SOX5: variants seen among roughly 807,000 people sequenced by gnomAD.
The protein encoded by SOX5 is transcription factor SOX-5.
SOX5 carries 9 observed loss-of-function variants against 92.0 expected under a neutral mutation model. That is an observed-to-expected ratio of 0.10 (90% CI 0.06 to 0.17). The LOEUF (loss-of-function observed/expected upper bound fraction) is 0.17. Ranked by LOEUF, SOX5 falls within the 10% of genes least tolerant of loss-of-function variation. SOX5 has a pLI of 1.00. For missense variants in SOX5, 642 were observed against 944.5 expected, an observed-to-expected ratio of 0.68 and a Z score of 4.20; for synonymous variants, 344 against 336.3, an observed-to-expected ratio of 1.02 and a Z score of -0.25.
intron 13 of SOX5, among the ~76,000 whole-genome samples, chr12:23,537,098 C>T (rs919090338): frequency 6.6e-6 from 1 of 152,056 alleles, no homozygotes; most frequent in Non-Finnish European, 1.5e-5. Context: ...AAGTTCCCAA[C>T]ATATATCATG....
rs79402719 is a variant in SOX5, at chr12:24,554,017, C to T, written c.-251+8312G>A. On this transcript the variant is annotated intron_variant, in intron 1 of 4. Coordinates refer to the SOX5 transcript ENST00000446891. ...AGACAGAATTATAAGAAATAGTATGCATGTCTTCAAAAGCAGTTCCCAGTG... is the reference window on the plus strand; with the variant it reads ...AGACAGAATTATAAGAAATAGTATGTATGTCTTCAAAAGCAGTTCCCAGTG... Among the ~76,000 whole-genome samples the T allele has an allele frequency of 4.5e-3, 681 of 152,304 alleles. 2 individuals carry two copies. Among genetic ancestry groups the T allele is most frequent in the African/African-American group, 0.015 (643 of 41,556 alleles).
chr12:23,851,629 T>C (rs1246412888), intron 2 of SOX5, among the ~76,000 whole-genome samples: 1 of 152,114 alleles, frequency 6.6e-6, no homozygotes, highest in Non-Finnish European at 1.5e-5. Context: ...CCTTTCCTTT[T>C]GTCTGAAACA....
intron 3 of SOX5, among the ~76,000 whole-genome samples, chr12:24,215,681 A>C (rs1565675152): frequency 6.6e-6 from 1 of 152,172 alleles, no homozygotes; most frequent in Non-Finnish European, 1.5e-5. Flanking sequence ...TTGCCAATTA[A>C]TCTACAGATT....
chr12:24,201,737 GGAGGTGT>G (rs769054630), intron 4 of SOX5, among the ~76,000 whole-genome samples: 6 of 152,092 alleles, frequency 3.9e-5, no homozygotes, highest in Non-Finnish European at 7.4e-5. Context: ...TCAAGCTTTG[GGAGGTGT>G]GAGTCATCAG....
At chr12:24,013,453 G>T (rs1407695316) in intron 4 of SOX5, among the ~76,000 whole-genome samples, 2 of 152,170 alleles carry the variant, frequency 1.3e-5, no homozygotes, top group African/African-American at 2.4e-5. Flanking sequence ...TTTAAAAAGA[G>T]AATTTCTAAA....
intron 3 of SOX5, among the ~76,000 whole-genome samples, chr12:24,233,275 A>G (rs1963787192): frequency 6.6e-6 from 1 of 152,140 alleles, no homozygotes; most frequent in South Asian, 2.1e-4. Flanking sequence ...CAATATAATA[A>G]TATGAATAAC....
intron 4 of SOX5, among the ~76,000 whole-genome samples, chr12:23,968,141 C>A (rs1947805778): frequency 6.6e-6 from 1 of 152,184 alleles, no homozygotes; most frequent in Non-Finnish European, 1.5e-5. Flanking sequence ...CTAGTAGTTT[C>A]TTTGCCCCTT....
intron 4 of SOX5, among the ~76,000 whole-genome samples, chr12:23,753,446 A>C (rs1039301850): frequency 6.6e-6 from 1 of 151,802 alleles, no homozygotes; most frequent in African/African-American, 2.4e-5. Flanking sequence ...GTTTCCATGC[A>C]CACCAAGACT....
intron 1 of SOX5, among the ~76,000 whole-genome samples, chr12:24,504,046 A>T (rs1416031714): frequency 6.6e-6 from 1 of 152,156 alleles, no homozygotes; most frequent in East Asian, 1.9e-4. Context: ...TAAGAAGGGT[A>T]CATAGAGAAA....
intron 6 of SOX5, among the ~76,000 whole-genome samples, chr12:23,688,587 C>G (rs532430555): frequency 4.8e-4 from 73 of 152,206 alleles, no homozygotes; most frequent in African/African-American, 1.7e-3. Context: ...CACTTACATT[C>G]TATACCTCTC....
chr12:24,499,209 A>C (rs919509832), intron 1 of SOX5, among the ~76,000 whole-genome samples: 1 of 152,174 alleles, frequency 6.6e-6, no homozygotes, highest in Non-Finnish European at 1.5e-5. Context: ...GTGAAACCAG[A>C]TGTTCATTTT....
At chr12:24,446,470 C>T (rs1410959927) in intron 1 of SOX5, among the ~76,000 whole-genome samples, 3 of 152,160 alleles carry the variant, frequency 2.0e-5, no homozygotes, top group Non-Finnish European at 2.9e-5. Flanking sequence ...AAAAAATCAG[C>T]ATATGGCTAA....
Position 23,771,960 on chromosome 12 carries a change from A to G in SOX5, c.482-16236T>C, listed in dbSNP as rs568289518. Among the ~76,000 whole-genome samples, 164 of 152,344 alleles carry G rather than the reference A, an allele frequency of 1.1e-3. 2 individuals are homozygous for G. The highest frequency in any genetic ancestry group is 3.6e-3 in the African/African-American group (149 of 41,582). ...ACTAGCACCCAAATTTGAGGTGCTC[A>G]TATAAATTCATAGAAATATGTGCCT... On this transcript the variant is annotated intron_variant, in intron 3 of 14. Coordinates refer to ENST00000451604, the MANE Select transcript of SOX5 (RefSeq NM_006940.6).
chr12:24,492,902 A>G (rs1428263325), intron 1 of SOX5, among the ~76,000 whole-genome samples: 1 of 152,186 alleles, frequency 6.6e-6, no homozygotes, highest in Non-Finnish European at 1.5e-5. Flanking sequence ...AACATATATA[A>G]ATGCCACTAA....
At chr12:24,536,279 A>G (rs1256259110) in intron 1 of SOX5, among the ~76,000 whole-genome samples, 3 of 152,258 alleles carry the variant, frequency 2.0e-5, no homozygotes, top group Non-Finnish European at 4.4e-5. Context: ...CCAGTTAAAC[A>G]AAAGGATCAG....
intron 1 of SOX5, among the ~76,000 whole-genome samples, chr12:24,478,606 C>T (rs994587432): frequency 6.6e-6 from 1 of 152,178 alleles, no homozygotes. Flanking sequence ...TCCTATGCTC[C>T]GTTTCTGTTA....
intron 7 of SOX5, among the ~76,000 whole-genome samples, chr12:23,658,325 T>C (rs906687916): frequency 1.1e-4 from 16 of 152,310 alleles, no homozygotes; most frequent in African/African-American, 3.8e-4. Context: ...GGAAGATGAC[T>C]GTCACCACAT....
chr12:23,750,605 TTTTAGA>T (rs1272708859), intron 4 of SOX5, among the ~76,000 whole-genome samples: 1 of 151,906 alleles, frequency 6.6e-6, no homozygotes, highest in African/African-American at 2.4e-5. Context: ...ATTATTTTAA[TTTTAGA>T]ATCTTTATGC....
intron 9 of SOX5, among the ~76,000 whole-genome samples, chr12:23,580,903 C>A (rs1169933808): frequency 1.3e-5 from 2 of 152,004 alleles, no homozygotes; most frequent in Non-Finnish European, 2.9e-5. Flanking sequence ...CTTAGACGCA[C>A]TGAGGGAATA....
Sources: gnomAD v4.1 joint callset for allele counts (sites outside exome capture counted in the v4.1 genomes callset) on GRCh38, gnomAD v4.1.1 for gene constraint, MANE v1.5 for transcripts, NCBI Gene and HGNC (gene_info 2026-07-23, HGNC 2026-07-21) for gene names.